Variants in RELN observed in about 807,000 individuals in gnomAD.
RELN encodes reelin.
RELN carries 108 observed loss-of-function variants against 427.6 expected under a neutral mutation model. That is an observed-to-expected ratio of 0.25 (90% CI 0.22 to 0.30). The LOEUF (loss-of-function observed/expected upper bound fraction) is 0.30. Ranked by LOEUF, RELN falls within the 10% of genes least tolerant of loss-of-function variation. RELN has a pLI of 1.00. For synonymous variants in RELN, 1,524 were observed against 1,513.4 expected (o/e 1.01, Z -0.16); for missense variants, 3,715 against 4,302.8 (o/e 0.86, Z 3.82).
intron 19 of RELN, among the ~76,000 whole-genome samples, chr7:103,630,960 C>A (rs1303451123): frequency 6.8e-6 from 1 of 147,054 alleles, no homozygotes; most frequent in Non-Finnish European, 1.5e-5. Flanking sequence ...AAAACTTCAA[C>A]ATCTAAGGCT....
chr7:103,977,662 TACC>T (rs1796909176), intron 1 of RELN, among the ~76,000 whole-genome samples: 1 of 152,170 alleles, frequency 6.6e-6, no homozygotes, highest in Admixed American at 6.5e-5. Context: ...TGGTTCCTAC[TACC>T]ACGACTCCTT....
At chr7:103,974,217 A>G (rs980074190) in intron 1 of RELN, among the ~76,000 whole-genome samples, 4 of 152,240 alleles carry the variant, frequency 2.6e-5, no homozygotes, top group African/African-American at 9.6e-5. Flanking sequence ...TTTCATATGC[A>G]ATAACTCACT....
intron 11 of RELN, among the ~76,000 whole-genome samples, chr7:103,667,884 T>C (rs868838521): frequency 3.3e-5 from 5 of 152,246 alleles, no homozygotes; most frequent in Admixed American, 6.5e-5. Flanking sequence ...CATATATCTA[T>C]AATATCACAC....
chr7:103,678,662 C>T (rs531240670), intron 11 of RELN, among the ~76,000 whole-genome samples: 46 of 152,198 alleles, frequency 3.0e-4, no homozygotes, highest in Non-Finnish European at 4.6e-4. Context: ...CTTTTGGAAA[C>T]GTTATTAGAG....
At chr7:103,509,950 C>T (rs1481662605) in intron 51 of RELN, among the ~76,000 whole-genome samples, 1 of 152,178 alleles carries the variant, frequency 6.6e-6, no homozygotes. Context: ...TACCATCTCA[C>T]ACCAGTTAGA....
intron 3 of RELN, among the ~76,000 whole-genome samples, chr7:103,793,398 G>A (rs1307152253): frequency 2.0e-5 from 3 of 152,256 alleles, no homozygotes; most frequent in African/African-American, 7.2e-5. Flanking sequence ...GAATGCTGAG[G>A]ATGTTGTCTG....
At chr7:103,644,774 C>T (rs1202066839) in intron 16 of RELN, among the ~76,000 whole-genome samples, 2 of 151,598 alleles carry the variant, frequency 1.3e-5, no homozygotes, top group Admixed American at 1.3e-4. Context: ...ATTTAAGAGG[C>T]TCACAGAACT....
At chr7:103,675,425 A>T (rs1024383206) in intron 11 of RELN, among the ~76,000 whole-genome samples, 1 of 152,200 alleles carries the variant, frequency 6.6e-6, no homozygotes, top group Non-Finnish European at 1.5e-5. Context: ...ATGCTCATGG[A>T]TAGGAACAAT....
intron 57 of RELN, among the ~76,000 whole-genome samples, chr7:103,493,929 A>C (rs920024746): frequency 2.0e-5 from 3 of 152,094 alleles, no homozygotes; most frequent in Admixed American, 2.0e-4. Context: ...TTTCCTAAAG[A>C]AATTGCCTTG....
chr7:103,729,469 G>T (rs975743), intron 6 of RELN, among the ~76,000 whole-genome samples: 38,275 of 152,096 alleles, frequency 0.25, 4,947 homozygotes, highest in South Asian at 0.38. Context: ...CATCTTTTGA[G>T]CCGTGTTTCC....
intron 1 of RELN, among the ~76,000 whole-genome samples, chr7:103,918,667 C>T (rs1584366387): frequency 6.6e-6 from 1 of 152,074 alleles, no homozygotes; most frequent in East Asian, 1.9e-4. Flanking sequence ...ATAACTTATT[C>T]ATATAAAAGT....
chr7:103,952,534 T>TACAC (rs1467055253), intron 1 of RELN, among the ~76,000 whole-genome samples: 5 of 151,522 alleles, frequency 3.3e-5, no homozygotes, highest in African/African-American at 9.7e-5. Flanking sequence ...CACACACACA[T>TACAC]ACATACATAC....
chr7:103,741,009 C>A (rs930938418), intron 6 of RELN, among the ~76,000 whole-genome samples: 3 of 152,150 alleles, frequency 2.0e-5, no homozygotes, highest in African/African-American at 7.2e-5. Context: ...GCATAGGGAC[C>A]ATGTTTGCCA....
chr7:103,545,653 T>G (rs1417100445), intron 41 of RELN, among the ~76,000 whole-genome samples: 1 of 152,046 alleles, frequency 6.6e-6, no homozygotes, highest in Non-Finnish European at 1.5e-5. Flanking sequence ...GTTTTATTTT[T>G]TTTTTTGAGA....
intron 1 of RELN, among the ~76,000 whole-genome samples, chr7:103,986,459 G>A (rs1349825896): frequency 2.6e-5 from 4 of 151,606 alleles, no homozygotes; most frequent in African/African-American, 7.3e-5. Flanking sequence ...CACATACAGG[G>A]ACCTATAATT....
At chr7:103,495,627 T>A in intron 57 of RELN, 96 bp downstream of exon 57, 4 of 1,151,894 alleles carry the variant, frequency 3.5e-6, no homozygotes, top group Non-Finnish European at 5.2e-6. Context: ...TAATGAATAA[T>A]ATCAGTCATT....
intron 11 of RELN, among the ~76,000 whole-genome samples, chr7:103,670,045 T>C (rs1376025768): frequency 6.6e-6 from 1 of 152,080 alleles, no homozygotes; most frequent in South Asian, 2.1e-4. Context: ...AGGTTTTCTG[T>C]TTTTTCTGCC....
At chr7:103,740,051 T>A (rs946591158) in intron 6 of RELN, among the ~76,000 whole-genome samples, 2 of 152,084 alleles carry the variant, frequency 1.3e-5, no homozygotes, top group East Asian at 1.9e-4. Flanking sequence ...CAGGAACAGA[T>A]AGATGGCTGG....
intron 61 of RELN, 110 bp downstream of exon 61, chr7:103,486,087 C>CT: frequency 1.0e-6 from 1 of 1,001,846 alleles, no homozygotes; most frequent in Non-Finnish European, 1.6e-6. Flanking sequence ...GTTTTCACTG[C>CT]TTAGTGACAT....
Sources: allele counts gnomAD v4.1 joint callset (sites outside exome capture counted in the v4.1 genomes callset), GRCh38; gene constraint gnomAD v4.1.1; transcripts MANE v1.5; gene names NCBI Gene and HGNC (gene_info 2026-07-23, HGNC 2026-07-21).